Variants in CNTNAP3 observed in about 807,000 individuals in gnomAD.
CNTNAP3 encodes contactin associated protein family member 3, also known as contactin-associated protein-like 3.
Under a neutral mutation model 92.1 loss-of-function variants are expected in CNTNAP3, and 36 were observed. The observed-to-expected ratio is 0.39, with a 90% CI of 0.30 to 0.52. The LOEUF is 0.52. Among genes scored for constraint, CNTNAP3 ranks in the 20% least tolerant of loss-of-function variants. The probability of loss-of-function intolerance (pLI) is 0.76; values close to 1 mark genes in which losing one functional copy is unlikely to be tolerated. For missense variants in CNTNAP3, 534 were observed against 1,069.6 expected (o/e 0.50, Z 6.98); for synonymous variants, 232 against 422.3 (o/e 0.55, Z 5.53).
rs999933289 is a variant in CNTNAP3, at chr9:39,287,247, G to A, written c.85+733C>T. ...ATCATAGCCCATTCTAGAAATAAAGGCTTCCTAGGTGTTTACCAAATTAAG... is the reference window on the plus strand; with the variant it reads ...ATCATAGCCCATTCTAGAAATAAAGACTTCCTAGGTGTTTACCAAATTAAG... On this transcript the variant is annotated intron_variant, in intron 1 of 23. Coordinates refer to ENST00000297668, the MANE Select transcript of CNTNAP3 (RefSeq NM_033655.5). Among the ~76,000 whole-genome samples, 57 of 38,744 alleles carry A rather than the reference G, an allele frequency of 1.5e-3. 8 individuals are homozygous for A. Among genetic ancestry groups the A allele is most frequent in the African/African-American group, 2.8e-3 (51 of 18,364 alleles). 25.4% of individuals were successfully genotyped at this position (38,744 alleles called of 152,430 possible).
chr9:39,099,881 C>T, intron 18 of CNTNAP3, 30 bp downstream of exon 18: 1 of 1,605,176 alleles, frequency 6.2e-7, no homozygotes, highest in Non-Finnish European at 8.5e-7. Context: ...CATGTACTTT[C>T]CCTATAACCT....
intron 23 of CNTNAP3, among the ~76,000 whole-genome samples, chr9:39,075,771 G>C (rs1281145252): frequency 6.6e-6 from 1 of 152,310 alleles, no homozygotes; most frequent in Non-Finnish European, 1.5e-5. Flanking sequence ...TTGAAGATGA[G>C]CCAGACTTCT....
chr9:39,178,895 TG>T (rs974607754), intron 4 of CNTNAP3, among the ~76,000 whole-genome samples: 2 of 149,024 alleles, frequency 1.3e-5, no homozygotes, highest in Non-Finnish European at 3.0e-5. Context: ...ATGTAATAAA[TG>T]TATTTTAAAT....
At chr9:39,136,588 C>T (rs1251614043) in intron 12 of CNTNAP3, among the ~76,000 whole-genome samples, 1 of 152,106 alleles carries the variant, frequency 6.6e-6, no homozygotes, top group African/African-American at 2.4e-5. Flanking sequence ...CTTTCTTCCT[C>T]TGATTATTTT....
At chr9:39,152,616 T>C (rs1383804679) in intron 9 of CNTNAP3, among the ~76,000 whole-genome samples, 1 of 141,068 alleles carries the variant, frequency 7.1e-6, no homozygotes, top group African/African-American at 2.7e-5. Context: ...GTTCTGCTAA[T>C]CTTTCTTTCA....
At chr9:39,090,559 A>G (rs62569968) in intron 18 of CNTNAP3, among the ~76,000 whole-genome samples, 1,625 of 137,764 alleles carry the variant, frequency 0.012, no homozygotes, top group African/African-American at 0.016. Flanking sequence ...TGGACTTTCA[A>G]TTTTATCCCA....
At chr9:39,119,355 C>CAAAAAAAAAAAAA (rs35344011) in intron 13 of CNTNAP3, among the ~76,000 whole-genome samples, 1 of 101,280 alleles carries the variant, frequency 9.9e-6, no homozygotes, top group Non-Finnish European at 2.1e-5. Context: ...GCCCCTCTGC[C>CAAAAAAAAAAAAA]AAAAAAAAAA....
intron 13 of CNTNAP3, among the ~76,000 whole-genome samples, chr9:39,121,103 A>G (rs1221992937): frequency 6.6e-6 from 1 of 152,006 alleles, no homozygotes; most frequent in Non-Finnish European, 1.5e-5. Flanking sequence ...TGGTTAAAAT[A>G]TAACAAAAGT....
At chr9:39,168,255 G>A (rs1031796690) in intron 8 of CNTNAP3, among the ~76,000 whole-genome samples, 3 of 149,928 alleles carry the variant, frequency 2.0e-5, no homozygotes, top group African/African-American at 7.3e-5. Context: ...CTGACCTCGT[G>A]ATCTGCATGC....
At chr9:39,075,910 G>A (rs1410607943) in intron 23 of CNTNAP3, among the ~76,000 whole-genome samples, 1 of 152,424 alleles carries the variant, frequency 6.6e-6, no homozygotes, top group East Asian at 1.9e-4. Flanking sequence ...GAATGATGAG[G>A]AGAAATTATA....
rs1293998466 is a variant in CNTNAP3, at chr9:39,070,750, A to G, written c.*3140T>C. Among the ~76,000 whole-genome samples the G allele has an allele frequency of 1.6e-4, 25 of 152,284 alleles. No individual in the cohort carries two copies. Among genetic ancestry groups the G allele is most frequent in the Admixed American group, 1.6e-3 (25 of 15,288 alleles). On this transcript the variant is annotated 3_prime_UTR_variant, in exon 24 of 24. Coordinates refer to ENST00000297668, the MANE Select transcript of CNTNAP3 (RefSeq NM_033655.5). ...ATTCTCCATGATGTGCTTATTTCAC[A>G]GTGCATGCCTGTATCAAAACATTTC...
intron 18 of CNTNAP3, among the ~76,000 whole-genome samples, chr9:39,096,911 A>T (rs1826339453): frequency 6.7e-6 from 1 of 148,916 alleles, no homozygotes; most frequent in African/African-American, 2.5e-5. Flanking sequence ...TAGATTAATG[A>T]TTTTTATTAA....
chr9:39,086,106 A>G, intron 20 of CNTNAP3: 1 of 515,206 alleles, frequency 1.9e-6, no homozygotes, highest in Non-Finnish European at 3.5e-6. Flanking sequence ...AATCCATGAA[A>G]AAGATGGAAT....
At chr9:39,095,870 T>C (rs1826313301) in intron 18 of CNTNAP3, among the ~76,000 whole-genome samples, 1 of 151,244 alleles carries the variant, frequency 6.6e-6, no homozygotes, top group African/African-American at 2.4e-5. Flanking sequence ...ACTATTTTTA[T>C]GCATACCAAA....
chr9:39,113,189 C>G (rs1205848614), intron 14 of CNTNAP3, among the ~76,000 whole-genome samples: 1 of 151,926 alleles, frequency 6.6e-6, no homozygotes, highest in Non-Finnish European at 1.5e-5. Flanking sequence ...TCAGACAATG[C>G]CAAATGTCCC....
chr9:39,118,660 AT>A (rs1820922056), intron 13 of CNTNAP3, among the ~76,000 whole-genome samples: 1 of 152,208 alleles, frequency 6.6e-6, no homozygotes, highest in Non-Finnish European at 1.5e-5. Context: ...AAAGACATTG[AT>A]TTATCTCATC....
At chr9:39,111,673 ATAGTC>A (rs1478462406) in intron 14 of CNTNAP3, among the ~76,000 whole-genome samples, 1 of 152,170 alleles carries the variant, frequency 6.6e-6, no homozygotes, top group Non-Finnish European at 1.5e-5. Context: ...TTTTAGCAAG[ATAGTC>A]TAGTAGAGAA....
Position 39,140,600 on chromosome 9 carries a change from C to G in CNTNAP3, c.1795G>C (p.Gly599Arg). The G allele has an allele frequency of 6.2e-7, 1 of 1,613,484 alleles. No homozygotes were observed. The highest frequency in any genetic ancestry group is 1.1e-5 in the South Asian group (1 of 90,994). The change falls in exon 12 of 24, where the codon GGG becomes CGG. Residue 599 changes from glycine to arginine, a missense_variant. Physicochemically the swap from Gly to Arg is moderately radical, Grantham distance 125 (BLOSUM62 -2). Transcript: ENST00000297668. ...EQSCEAHKHR[G>R]NPSGLYYIDA... ...ATATAGTAAAGCCCAGACGGGTTCC[C>G]TCGGTGCTTGTGGGCTTCACAAGAC... is the stretch of plus-strand genomic sequence containing the variant.
At position 39,178,949 on chromosome 9, in the gene CNTNAP3, C is replaced by G. The variant is rs146360787; in HGVS notation, c.539-589G>C. Among the ~76,000 whole-genome samples, 261 of 150,198 alleles carry G rather than the reference C, an allele frequency of 1.7e-3. 7 individuals are homozygous for G. Among genetic ancestry groups the G allele is most frequent in the African/African-American group, 6.1e-3 (253 of 41,158 alleles). ...TTTTCTCAACCCTCGGCTAATGGTA[C>G]TGCTAATGGGCACTGCAATGTGTCA... On this transcript the variant is annotated intron_variant, in intron 4 of 23. Transcript: ENST00000297668.
Sources: allele counts gnomAD v4.1 joint callset (sites outside exome capture counted in the v4.1 genomes callset), GRCh38; gene constraint gnomAD v4.1.1; transcripts MANE v1.5; gene names NCBI Gene and HGNC (gene_info 2026-07-23, HGNC 2026-07-21).